Variants in TDP1 observed in about 807,000 individuals in gnomAD.
TDP1 encodes the protein tyrosyl-DNA phosphodiesterase 1, also known as tyr-DNA phosphodiesterase 1.
TDP1 carries 64 observed loss-of-function variants against 81.5 expected under a neutral mutation model. That is an observed-to-expected ratio of 0.79 (90% confidence interval 0.64 to 0.97). The LOEUF is 0.97. TDP1 is among the 50% of genes least tolerant of loss of function. The pLI is 0.00. For missense variants in TDP1, 723 were observed against 743.8 expected (o/e 0.97, Z 0.33); for synonymous variants, 256 against 264.3 (o/e 0.97, Z 0.30).
chr14:89,991,923 G>T lies in TDP1; in HGVS notation c.1373G>T (p.Gly458Val), dbSNP rs1332272305. 6.2e-7 allele frequency: 1 copy of T among 1,608,228 alleles called. No individual in the cohort carries two copies. Among genetic ancestry groups the T allele is most frequent in the East Asian group, 2.2e-5 (1 of 44,726 alleles). ...RTSLEGYPAG[G>V]SLPYSIQTAE... ...TTTATTTTTCTTTTAAAAGCTGGGG[G>T]CTCTCTTCCCTATAGCATCCAGACA... Residue 458 changes from glycine (G) to valine (V), a missense_variant, in exon 13 of 17, where the codon GGC becomes GTC. Gly to Val is a moderately radical substitution (Grantham distance 109). Transcript: ENST00000335725.
At chr14:90,022,829 G>A (rs1211295818) in intron 15 of TDP1, 13 of 915,010 alleles carry the variant, frequency 1.4e-5, no homozygotes, top group African/African-American at 1.8e-5. Flanking sequence ...GTGCCATGAG[G>A]TAGTTTGTCG....
chr14:90,037,899 AT>A (rs1167827877), intron 16 of TDP1, among the ~76,000 whole-genome samples: 1 of 152,146 alleles, frequency 6.6e-6, no homozygotes, highest in Non-Finnish European at 1.5e-5. Flanking sequence ...CAGTTCCACA[AT>A]TTTTTGTTTC....
At chr14:90,013,369 G>C (rs1376181538) in intron 14 of TDP1, among the ~76,000 whole-genome samples, 1 of 152,038 alleles carries the variant, frequency 6.6e-6, no homozygotes, top group African/African-American at 2.4e-5. Flanking sequence ...GGAGGTAATT[G>C]AATCATGGGA....
chr14:90,015,240 C>G (rs184828591), intron 14 of TDP1, among the ~76,000 whole-genome samples: 3 of 152,322 alleles, frequency 2.0e-5, no homozygotes. Flanking sequence ...GCTCTTTTCT[C>G]AGCATGTGCC....
Position 89,992,960 on chromosome 14 carries a change from C to CT in TDP1, c.1434-410dup, listed in dbSNP as rs1464249136. On this transcript the variant is annotated intron_variant, in intron 13 of 16. Coordinates refer to ENST00000335725, the MANE Select transcript of TDP1 (RefSeq NM_018319.4). ...TTTTCATATACTGTTTGTATTTTGC[C>CT]TTTTTTGTATTTTGTTTCATTCAAC... 5 of 983,488 alleles carry CT rather than the reference C, an allele frequency of 5.1e-6. No individual in the cohort carries two copies. In the African/African-American group the frequency reaches 8.7e-5, roughly 17 times the overall value. 60.9% of individuals were successfully genotyped at this position (983,488 alleles called of 1,614,324 possible). A position where few individuals can be genotyped will look rare whatever the true frequency, so the allele number is the denominator to read the frequency against.
At chr14:90,027,709 C>T (rs894213003) in intron 15 of TDP1, among the ~76,000 whole-genome samples, 3 of 152,160 alleles carry the variant, frequency 2.0e-5, no homozygotes, top group Admixed American at 1.3e-4. Flanking sequence ...GAGCTAGGAT[C>T]CTGCTTACAA....
intron 10 of TDP1, among the ~76,000 whole-genome samples, chr14:89,986,591 G>A (rs1227123659): frequency 1.3e-5 from 2 of 152,212 alleles, no homozygotes; most frequent in Admixed American, 6.5e-5. Context: ...TGCTCATGTT[G>A]CACCACAGCT....
At chr14:89,967,210 T>G (rs906004918) in intron 4 of TDP1, 157 bp from the exon 5 acceptor site, 26 of 821,506 alleles carry the variant, frequency 3.2e-5, no homozygotes, top group Admixed American at 6.2e-5. Flanking sequence ...ATTATAGGTT[T>G]GTTAGTATTG....
intron 15 of TDP1, chr14:90,023,014 G>A (rs746438259): frequency 2.6e-6 from 2 of 760,766 alleles, no homozygotes; most frequent in Admixed American, 3.4e-5. Flanking sequence ...CACATACCCT[G>A]TGCCTGCTGT....
intron 7 of TDP1, 90 bp from the exon 8 acceptor site, chr14:89,980,450 C>A (rs753666449): frequency 3.5e-6 from 5 of 1,443,658 alleles, no homozygotes; most frequent in Non-Finnish European, 4.8e-6. Context: ...TAAAAAAATT[C>A]CTTTAGCTAT....
intron 9 of TDP1, 174 bp from the exon 10 acceptor site, chr14:89,984,958 C>A: frequency 1.0e-6 from 1 of 954,978 alleles, no homozygotes; most frequent in South Asian, 4.8e-5. Flanking sequence ...ATCTTGTAGG[C>A]ATTCCATCAT....
At chr14:89,974,839 A>T (rs1318606515) in intron 6 of TDP1, among the ~76,000 whole-genome samples, 1 of 152,192 alleles carries the variant, frequency 6.6e-6, no homozygotes, top group Non-Finnish European at 1.5e-5. Context: ...ACGGTTATTT[A>T]AACTCTTTCA....
At chr14:89,970,744 A>G in intron 5 of TDP1, 1 of 903,338 alleles carries the variant, frequency 1.1e-6, no homozygotes, top group Non-Finnish European at 1.3e-6. Context: ...TCATTCAACT[A>G]CAAAGGCCGG....
intron 5 of TDP1, among the ~76,000 whole-genome samples, chr14:89,968,668 C>T (rs1210856945): frequency 2.0e-5 from 3 of 152,220 alleles, no homozygotes; most frequent in Admixed American, 6.5e-5. Context: ...CTGGAGGCAA[C>T]AAGCAGTTTC....
At chr14:90,016,945 T>C (rs1214830818) in intron 14 of TDP1, among the ~76,000 whole-genome samples, 2 of 152,064 alleles carry the variant, frequency 1.3e-5, no homozygotes, top group East Asian at 3.9e-4. Flanking sequence ...CATCACTCGG[T>C]ATCCAGCAGC....
At position 89,991,428 on chromosome 14, in the gene TDP1, G is replaced by A. The variant is rs571440217; in HGVS notation, c.1367-489G>A. 6.3e-5 allele frequency: 23 copies of A among 362,276 alleles called. No homozygotes were observed. In the Admixed American group the frequency reaches 6.4e-4, roughly 10 times the overall value. The allele number at this position is 362,276 out of a possible 1,614,324, so 22.4% of individuals were successfully genotyped here. A position where few individuals can be genotyped will look rare whatever the true frequency, so the allele number is the denominator to read the frequency against. ...AGCTCTATTCTGCTTTACTTGGTGCGTTCTCGTCCTCAATGAGGTAATTTA... is the reference window on the plus strand; with the variant it reads ...AGCTCTATTCTGCTTTACTTGGTGCATTCTCGTCCTCAATGAGGTAATTTA... On this transcript the variant is annotated intron_variant, in intron 12 of 16. Coordinates refer to ENST00000335725, the MANE Select transcript of TDP1 (RefSeq NM_018319.4).
intron 14 of TDP1, among the ~76,000 whole-genome samples, chr14:90,017,725 C>T (rs1192898520): frequency 6.6e-6 from 1 of 152,216 alleles, no homozygotes; most frequent in Non-Finnish European, 1.5e-5. Flanking sequence ...GTTAGACTTT[C>T]CTCTTCGCCC....
Position 90,043,063 on chromosome 14 carries a change from C to T in TDP1, c.1754-7C>T, listed in dbSNP as rs1266629961. ...AATAAATATTACGTAATGTGTTTTT[C>T]CCCCAGATCGGCCATGGATATGGAA... On this transcript the variant is annotated splice_polypyrimidine_tract_variant and splice_region_variant and intron_variant, in intron 16 of 16. Transcript: ENST00000335725. 15 of 1,614,042 alleles carry T rather than the reference C, an allele frequency of 9.3e-6. No homozygotes were observed. Among genetic ancestry groups the T allele is most frequent in the Non-Finnish European group, 1.3e-5 (15 of 1,179,980 alleles).
chr14:89,995,243 G>T (rs988764274), intron 14 of TDP1, among the ~76,000 whole-genome samples: 1 of 152,054 alleles, frequency 6.6e-6, no homozygotes, highest in East Asian at 1.9e-4. Flanking sequence ...GACTGTTCTG[G>T]GTGAGCAATC....
Sources: gnomAD v4.1 joint callset for allele counts (sites outside exome capture counted in the v4.1 genomes callset) on GRCh38, gnomAD v4.1.1 for gene constraint, MANE v1.5 for transcripts, NCBI Gene and HGNC (gene_info 2026-07-23, HGNC 2026-07-21) for gene names.